NLRP14: variants seen among roughly 807,000 people sequenced by gnomAD.
The protein encoded by NLRP14 is NACHT, LRR and PYD domains-containing protein 14.
A neutral mutation model predicts 94.7 loss-of-function variants in NLRP14; 105 were observed. The ratio of observed to expected loss-of-function variants is 1.11; its 90% CI spans 0.95 to 1.30. NLRP14 has a LOEUF of 1.30. NLRP14 is among the 50% of genes most tolerant of loss of function. The pLI, the probability that NLRP14 is intolerant of heterozygous loss-of-function variation, is 0.00. For synonymous variants in NLRP14, 508 were observed against 459.9 expected (o/e 1.10, Z -1.34); for missense variants, 1,362 against 1,254.1 (o/e 1.09, Z -1.30).
At chr11:7,030,838 C>A (rs1852081234) in intron 1 of NLRP14, among the ~76,000 whole-genome samples, 1 of 152,180 alleles carries the variant, frequency 6.6e-6, no homozygotes. Context: ...TTCCTCTTTC[C>A]CACATCGGGA....
the NLRP14 span, chr11:7,089,125 T>G: frequency 1.9e-6 from 3 of 1,613,542 alleles, no homozygotes; most frequent in African/African-American, 4.0e-5. Flanking sequence ...GCAAACATGG[T>G]TGAAGCGGAT....
At chr11:7,034,783 A>G (rs1852139897) in intron 1 of NLRP14, among the ~76,000 whole-genome samples, 1 of 152,166 alleles carries the variant, frequency 6.6e-6, no homozygotes, top group Admixed American at 6.6e-5. Context: ...GGTTTGAAGT[A>G]TTAATGATGT....
the NLRP14 span, chr11:7,090,440 A>G: frequency 8.8e-7 from 1 of 1,133,858 alleles, no homozygotes; most frequent in East Asian, 2.6e-5. Context: ...GATCGTCTCC[A>G]TTTTTATGCT....
chr11:7,059,486 A>T (rs1852577418), intron 8 of NLRP14, among the ~76,000 whole-genome samples: 1 of 151,998 alleles, frequency 6.6e-6, no homozygotes, highest in African/African-American at 2.4e-5. Context: ...TCTATTGTAC[A>T]AAAGCAATAA....
At chr11:7,051,391 T>C (rs1852439385) in intron 6 of NLRP14, among the ~76,000 whole-genome samples, 1 of 152,202 alleles carries the variant, frequency 6.6e-6, no homozygotes, top group Non-Finnish European at 1.5e-5. Flanking sequence ...GGTTTGTGTA[T>C]AGACCATGCA....
In NLRP14 at chr11:7,062,475, T is replaced by A. The variant is rs769328679; in HGVS notation, c.2947T>A (p.Tyr983Asn). The A allele has an allele frequency of 6.2e-7, 1 of 1,613,172 alleles. No homozygotes were observed. The highest frequency in any genetic ancestry group is 1.1e-5 in the South Asian group (1 of 91,072). The change falls in exon 10 of 12, where the codon TAT (tyrosine) becomes AAT (asparagine). Residue 983 changes from tyrosine (Y) to asparagine (N), a missense_variant. Tyr to Asn is a moderately radical substitution (Grantham distance 143). Transcript: ENST00000299481. ...GVKILCDALR[Y>N]PNCNIQRLGL... is the part of the protein sequence containing the mutation. ...GAAAATTCTGTGTGATGCTTTGAGA[T>A]ATCCAAACTGTAACATTCAGAGGCT...
intron 10 of NLRP14, among the ~76,000 whole-genome samples, chr11:7,064,204 G>T (rs1438354065): frequency 1.3e-5 from 2 of 152,112 alleles, no homozygotes; most frequent in Non-Finnish European, 2.9e-5. Context: ...ATTGAAACAA[G>T]GTTGTGCTAG....
At chr11:7,069,014 G>A (rs1852749890) in intron 10 of NLRP14, among the ~76,000 whole-genome samples, 1 of 152,090 alleles carries the variant, frequency 6.6e-6, no homozygotes, top group African/African-American at 2.4e-5. Flanking sequence ...AAATTTTAGT[G>A]ATTTTTTTCC....
chr11:7,089,044 C>T, the NLRP14 span: 3 of 1,515,408 alleles, frequency 2.0e-6, no homozygotes, highest in Non-Finnish European at 2.7e-6. Flanking sequence ...CCGCCCTCGA[C>T]GAGCGAGCTC....
intron 6 of NLRP14, among the ~76,000 whole-genome samples, chr11:7,052,281 C>A (rs945510686): frequency 1.3e-5 from 2 of 152,164 alleles, no homozygotes; most frequent in African/African-American, 4.8e-5. Flanking sequence ...AGAGCACTCT[C>A]TATATCTTCA....
Position 7,049,312 on chromosome 11 carries a change from C to G in NLRP14, c.2124-359C>G, listed in dbSNP as rs1340892256. Among the ~76,000 whole-genome samples, 3 of 152,180 alleles carry G rather than the reference C, an allele frequency of 2.0e-5. No individual in the cohort carries two copies. The East Asian group carries it at 5.8e-4, about 29-fold the overall frequency. ...ATTACTGCACATCAGACAGTTGATG[C>G]TAATTTTGAATTAACCTTGGATTAT... On this transcript the variant is annotated intron_variant, in intron 5 of 11. Coordinates refer to ENST00000299481, the MANE Select transcript of NLRP14 (RefSeq NM_176822.4).
In NLRP14 at chr11:7,038,569, C is replaced by T. The variant is rs748045537; in HGVS notation, c.-18C>T. The T allele has an allele frequency of 3.7e-6, 6 of 1,612,212 alleles. No individual in the cohort carries two copies. Among genetic ancestry groups the T allele is most frequent in the South Asian group, 3.3e-5 (3 of 90,978 alleles). Reference sequence around the variant, plus strand: ...GTTATTTTTTTTCCCCCCACAGAGGCCTGAATATTTGGACAAGATGGCAGA... The same window carrying T: ...GTTATTTTTTTTCCCCCCACAGAGGTCTGAATATTTGGACAAGATGGCAGA... On this transcript the variant is annotated 5_prime_UTR_variant, in exon 2 of 12. Coordinates refer to ENST00000299481, the MANE Select transcript of NLRP14 (RefSeq NM_176822.4).
In NLRP14 at chr11:7,043,912, G is replaced by A. The variant is rs770861191; in HGVS notation, c.1886G>A (p.Arg629Gln). 26 of 1,613,974 alleles carry A rather than the reference G, an allele frequency of 1.6e-5. No homozygotes were observed. Among genetic ancestry groups the A allele is most frequent in the South Asian group, 6.6e-5 (6 of 91,072 alleles). The change falls in exon 4 of 12, where the codon CGG becomes CAG. Residue 629 changes from arginine to glutamine, a missense_variant. Physicochemically the swap from Arg to Gln is conservative, Grantham distance 43. Transcript: ENST00000299481. Reference sequence around the variant, plus strand: ...TGCCTTAAGCACTGCCGGTGTTTGCGGACCATCAGGCTGTCTGTAACTGTG... The same window carrying A: ...TGCCTTAAGCACTGCCGGTGTTTGCAGACCATCAGGCTGTCTGTAACTGTG... ...SFCLKHCRCL[R>Q]TIRLSVTVVF... is the part of the protein sequence containing the mutation.
At chr11:7,033,990 G>A (rs978653237) in intron 1 of NLRP14, among the ~76,000 whole-genome samples, 4 of 152,168 alleles carry the variant, frequency 2.6e-5, no homozygotes, top group Non-Finnish European at 4.4e-5. Flanking sequence ...TTGATCTTGG[G>A]AGAGTGTTTG....
intron 1 of NLRP14, among the ~76,000 whole-genome samples, chr11:7,026,498 A>G (rs1230001405): frequency 2.6e-5 from 4 of 152,108 alleles, no homozygotes; most frequent in Non-Finnish European, 5.9e-5. Context: ...TTAAAAAGTC[A>G]GGAAAAAACA....
chr11:7,077,094 C>T, the NLRP14 span, among the ~76,000 whole-genome samples: 1 of 152,142 alleles, frequency 6.6e-6, no homozygotes, highest in African/African-American at 2.4e-5. Context: ...GGGATTCTAT[C>T]CCAGGGTGCC....
the NLRP14 span, among the ~76,000 whole-genome samples, chr11:7,082,098 T>C: frequency 1.3e-5 from 2 of 152,182 alleles, no homozygotes; most frequent in Admixed American, 6.5e-5. Context: ...AGAAGGTCTG[T>C]ACCAGGAACC....
In NLRP14 at chr11:7,050,200, G is replaced by A. The variant is rs140479572; in HGVS notation, c.2291+362G>A. On this transcript the variant is annotated intron_variant, in intron 6 of 11. Coordinates refer to ENST00000299481, the MANE Select transcript of NLRP14 (RefSeq NM_176822.4). The stretch of plus-strand genomic sequence containing the variant: ...CGTAGAAAATAATACAGTGGGGGAT[G>A]TTCTTTAATGTAACTGGGGGCAGTG... 3.6e-4 allele frequency among the ~76,000 whole-genome samples: 55 copies of A among 152,310 alleles called. 1 individual carries two copies. In the East Asian group the frequency reaches 9.6e-3, roughly 27 times the overall value.
Position 7,071,459 on chromosome 11 carries a change from A to T in NLRP14, c.*151A>T. On this transcript the variant is annotated 3_prime_UTR_variant, in exon 12 of 12. Coordinates refer to ENST00000299481, the MANE Select transcript of NLRP14 (RefSeq NM_176822.4). ...AGATACCATTCATCTACTTCTCTGT[A>T]AAATGTCTGTTCTACTTCACACAGT... 1 of 674,092 alleles carries T rather than the reference A, an allele frequency of 1.5e-6. No homozygotes were observed. The highest frequency in any genetic ancestry group is 2.6e-6 in the Non-Finnish European group (1 of 383,582). 41.8% of individuals were successfully genotyped at this position (674,092 alleles called of 1,614,324 possible). A position where few individuals can be genotyped will look rare whatever the true frequency, so the allele number is the denominator to read the frequency against.
Sources: allele counts gnomAD v4.1 joint callset (sites outside exome capture counted in the v4.1 genomes callset), GRCh38; gene constraint gnomAD v4.1.1; transcripts MANE v1.5; gene names NCBI Gene and HGNC (gene_info 2026-07-23, HGNC 2026-07-21).